The following SAMD3 variants were observed in gnomAD, a reference collection of about 807,000 sequenced individuals.
SAMD3 encodes sterile alpha motif domain containing 3.
Under a neutral mutation model 58.5 loss-of-function variants are expected in SAMD3, and 63 were observed. The ratio of observed to expected loss-of-function variants is 1.08; its 90% CI spans 0.88 to 1.33. The LOEUF is 1.33. SAMD3 is among the 40% of genes most tolerant of loss of function. The probability of loss-of-function intolerance (pLI) is 0.00; values close to 1 mark genes in which losing one functional copy is unlikely to be tolerated. For missense variants in SAMD3, 604 were observed against 608.4 expected (o/e 0.99, Z 0.08); for synonymous variants, 220 against 210.3 (o/e 1.05, Z -0.40).
At chr6:130,249,384 T>C (rs1773664782) in intron 2 of SAMD3, among the ~76,000 whole-genome samples, 2 of 152,146 alleles carry the variant, frequency 1.3e-5, no homozygotes, top group South Asian at 4.2e-4. Flanking sequence ...AGAAATGGTG[T>C]CTGGGAGCTT....
At chr6:130,360,452 C>T (rs907622495) in intron 1 of SAMD3, among the ~76,000 whole-genome samples, 1 of 152,114 alleles carries the variant, frequency 6.6e-6, no homozygotes, top group Non-Finnish European at 1.5e-5. Flanking sequence ...TGATGTCCCA[C>T]AAGCCACAAA....
intron 1 of SAMD3, among the ~76,000 whole-genome samples, chr6:130,318,086 C>A (rs767841767): frequency 6.6e-6 from 1 of 152,138 alleles, no homozygotes; most frequent in African/African-American, 2.4e-5. Context: ...AGGCTGGGGG[C>A]AAGAATCTAA....
chr6:130,255,211 T>C lies in SAMD3; in HGVS notation c.-187-32398A>G, dbSNP rs192472602. Among the ~76,000 whole-genome samples the C allele has an allele frequency of 1.7e-3, 256 of 152,350 alleles. 2 individuals are homozygous for C. The highest frequency in any genetic ancestry group is 6.0e-3 in the African/African-American group (250 of 41,582). On this transcript the variant is annotated intron_variant, in intron 2 of 13. Transcript: ENST00000368134. ...AACTTTGGTAAGAGTTGTCTTGTGGTCTAAGATATGATCTATCGTGAAGAA... is the reference window on the plus strand; with the variant it reads ...AACTTTGGTAAGAGTTGTCTTGTGGCCTAAGATATGATCTATCGTGAAGAA...
chr6:130,288,918 A>G (rs1775268015), intron 2 of SAMD3, among the ~76,000 whole-genome samples: 2 of 152,216 alleles, frequency 1.3e-5, no homozygotes, highest in Admixed American at 6.5e-5. Flanking sequence ...AAGTATTGAC[A>G]CAGTATTGCT....
At chr6:130,175,585 G>A (rs1157843545) in intron 8 of SAMD3, among the ~76,000 whole-genome samples, 4 of 152,068 alleles carry the variant, frequency 2.6e-5, no homozygotes, top group Admixed American at 2.6e-4. Flanking sequence ...CGAACTTAAG[G>A]GTTTTTTGAA....
chr6:130,335,451 A>G (rs990203680), intron 1 of SAMD3, among the ~76,000 whole-genome samples: 8 of 152,234 alleles, frequency 5.3e-5, no homozygotes, highest in Non-Finnish European at 1.2e-4. Context: ...TACTCATTAC[A>G]TGCTATAGAT....
intron 2 of SAMD3, among the ~76,000 whole-genome samples, chr6:130,301,872 G>C (rs962750315): frequency 1.3e-5 from 2 of 152,114 alleles, no homozygotes; most frequent in Non-Finnish European, 2.9e-5. Flanking sequence ...TCAATAAATG[G>C]TCTGAGAAAA....
chr6:130,162,056 T>A, intron 8 of SAMD3: 1 of 495,116 alleles, frequency 2.0e-6, no homozygotes, highest in Non-Finnish European at 3.6e-6. Context: ...CTTTGAGATG[T>A]GTGACTTTAG....
chr6:130,226,828 C>CAA (rs570393828), upstream of SAMD3, among the ~76,000 whole-genome samples: 2 of 145,622 alleles, frequency 1.4e-5, no homozygotes, highest in Non-Finnish European at 3.0e-5. Context: ...AACTCTGTCT[C>CAA]AAAAAAAAAA....
chr6:130,174,027 C>A (rs575652571), intron 8 of SAMD3, among the ~76,000 whole-genome samples: 13 of 152,214 alleles, frequency 8.5e-5, no homozygotes, highest in Admixed American at 7.9e-4. Context: ...AGCCCTCCCC[C>A]CACCAAGCTC....
intron 1 of SAMD3, among the ~76,000 whole-genome samples, chr6:130,345,493 G>T (rs1449779934): frequency 1.3e-5 from 2 of 152,052 alleles, no homozygotes; most frequent in Non-Finnish European, 2.9e-5. Flanking sequence ...TTGTGTTAGG[G>T]AATACAAATC....
In SAMD3 at chr6:130,145,339, C is replaced by A; in HGVS notation, c.1278+1G>T. 2 of 1,585,572 alleles carry A rather than the reference C, an allele frequency of 1.3e-6. No homozygotes were observed. The highest frequency in any genetic ancestry group is 1.7e-6 in the Non-Finnish European group (2 of 1,155,620). On this transcript the variant is annotated splice_donor_variant, in intron 11 of 11. Coordinates refer to ENST00000439090, the MANE Select transcript of SAMD3 (RefSeq NM_001017373.4). LOFTEE classifies it high-confidence loss of function. The stretch of plus-strand genomic sequence containing the variant: ...CTAGTGGCCATTCACATACTACATA[C>A]CTGTTCATTCATGATGACAAAAAGG...
intron 1 of SAMD3, among the ~76,000 whole-genome samples, chr6:130,218,202 G>A (rs1190190790): frequency 1.3e-5 from 2 of 152,204 alleles, no homozygotes; most frequent in Non-Finnish European, 2.9e-5. Flanking sequence ...AGGGGAAACA[G>A]TGGCTCTCAG....
At chr6:130,274,697 T>C (rs970701047) in intron 2 of SAMD3, among the ~76,000 whole-genome samples, 2 of 152,024 alleles carry the variant, frequency 1.3e-5, no homozygotes, top group Non-Finnish European at 2.9e-5. Flanking sequence ...ATCTGAGCAC[T>C]GCAACTTCTT....
chr6:130,150,564 C>T (rs892412815), intron 9 of SAMD3, among the ~76,000 whole-genome samples: 8 of 152,178 alleles, frequency 5.3e-5, no homozygotes, highest in Middle Eastern at 3.4e-3. Context: ...TCATTTCTTT[C>T]GGCAATTCTG....
chr6:130,226,005 A>T (rs2114870774), upstream of SAMD3, among the ~76,000 whole-genome samples: 1 of 152,340 alleles, frequency 6.6e-6, no homozygotes, highest in South Asian at 2.1e-4. Context: ...GAGTTATCTC[A>T]TCCAGTTATT....
At chr6:130,332,698 G>T (rs1776970724) in intron 1 of SAMD3, among the ~76,000 whole-genome samples, 1 of 152,164 alleles carries the variant, frequency 6.6e-6, no homozygotes. Context: ...ACTAGGAAAT[G>T]AGAAAATTTA....
chr6:130,250,615 A>C (rs1344018247), intron 2 of SAMD3, among the ~76,000 whole-genome samples: 1 of 152,082 alleles, frequency 6.6e-6, no homozygotes, highest in Non-Finnish European at 1.5e-5. Context: ...TCATCTCCCC[A>C]AGCAACCACT....
intron 1 of SAMD3, among the ~76,000 whole-genome samples, chr6:130,326,367 A>ATTTTTTTT (rs537066801): frequency 0.048 from 6,203 of 128,172 alleles, 246 homozygotes; most frequent in South Asian, 0.11. Context: ...ATGCCTGGTC[A>ATTTTTTTT]TTTTTTTTTT....
Sources: allele counts gnomAD v4.1 joint callset (sites outside exome capture counted in the v4.1 genomes callset), GRCh38; gene constraint gnomAD v4.1.1; transcripts MANE v1.5; gene names NCBI Gene and HGNC (gene_info 2026-07-23, HGNC 2026-07-21).